Variants in DIP2B observed in about 807,000 individuals in gnomAD.
DIP2B encodes DIP2 acetate--CoA ligase B (putative).
In DIP2B, 76 loss-of-function variants were observed where a neutral mutation model predicts 198.0. The observed-to-expected ratio is 0.38, with a 90% CI of 0.32 to 0.46. The LOEUF is 0.46. Ranked by LOEUF, DIP2B falls within the 20% of genes least tolerant of loss-of-function variation. The pLI, the probability that DIP2B is intolerant of heterozygous loss-of-function variation, is 0.99. For missense variants in DIP2B, 1,559 were observed against 1,978.4 expected, an observed-to-expected ratio of 0.79 and a Z score of 4.02; for synonymous variants, 701 against 739.1, an observed-to-expected ratio of 0.95 and a Z score of 0.84.
At chr12:50,568,751 T>C (rs1259199459) in intron 1 of DIP2B, among the ~76,000 whole-genome samples, 3 of 152,184 alleles carry the variant, frequency 2.0e-5, no homozygotes, top group African/African-American at 7.2e-5. Context: ...GGAGAGAGGC[T>C]GAGGGGAGCT....
At chr12:50,590,961 C>A (rs1261029461) in intron 1 of DIP2B, among the ~76,000 whole-genome samples, 1 of 152,112 alleles carries the variant, frequency 6.6e-6, no homozygotes, top group Admixed American at 6.6e-5. Context: ...GGTGAATGGA[C>A]CATGAGGGCT....
At chr12:50,679,198 A>G in intron 8 of DIP2B, 1 of 250,354 alleles carries the variant, frequency 4.0e-6, no homozygotes, top group South Asian at 6.2e-5. Flanking sequence ...GTTTTATCTA[A>G]CAGTTGAAAC....
intron 1 of DIP2B, among the ~76,000 whole-genome samples, chr12:50,599,203 G>T (rs1958914445): frequency 6.7e-6 from 1 of 149,660 alleles, no homozygotes; most frequent in African/African-American, 2.5e-5. Flanking sequence ...GAGGTGGGAG[G>T]ATTGCCTAAG....
chr12:50,583,446 C>A (rs1199025386), intron 1 of DIP2B, among the ~76,000 whole-genome samples: 1 of 152,162 alleles, frequency 6.6e-6, no homozygotes, highest in Non-Finnish European at 1.5e-5. Flanking sequence ...AAGGCGCTTA[C>A]TGCTTCTGTG....
intron 4 of DIP2B, among the ~76,000 whole-genome samples, chr12:50,668,025 G>C (rs1289205652): frequency 6.6e-6 from 1 of 152,134 alleles, no homozygotes; most frequent in Non-Finnish European, 1.5e-5. Context: ...TATCAGTCTT[G>C]CATCTGTGCT....
chr12:50,685,971 AC>A lies in DIP2B; in HGVS notation c.1441+17del. On this transcript the variant is annotated intron_variant, in intron 11 of 37. Coordinates refer to ENST00000301180, the MANE Select transcript of DIP2B (RefSeq NM_173602.3). Reference sequence around the variant, plus strand: ...ACAGTTTAAAGGTTAGTAACATTGTACCTGAATTATCAGTTAAAAGTTAAAA... The same window carrying A: ...ACAGTTTAAAGGTTAGTAACATTGTACTGAATTATCAGTTAAAAGTTAAAA... The A allele has an allele frequency of 6.2e-7, 1 of 1,607,038 alleles. No individual in the cohort carries two copies. Among genetic ancestry groups the A allele is most frequent in the African/African-American group, 1.3e-5 (1 of 74,768 alleles).
At chr12:50,691,790 G>A (rs570876642) in intron 13 of DIP2B, among the ~76,000 whole-genome samples, 109 of 152,166 alleles carry the variant, frequency 7.2e-4, no homozygotes, top group African/African-American at 2.6e-3. Context: ...CAGACCAGGC[G>A]CTGTGGCTCA....
Position 50,714,422 on chromosome 12 carries a change from G to A in DIP2B, c.2677G>A (p.Val893Ile), listed in dbSNP as rs774693777. The A allele has an allele frequency of 1.2e-6, 2 of 1,614,054 alleles. No homozygotes were observed. The highest frequency in any genetic ancestry group is 1.7e-6 in the Non-Finnish European group (2 of 1,180,040). Residue 893 changes from valine to isoleucine, a missense_variant, in exon 23 of 38, where the codon GTT (valine) becomes ATT (isoleucine). Coordinates refer to ENST00000301180, the MANE Select transcript of DIP2B (RefSeq NM_173602.3). ...QAIDSIHQVGVYCLALVPANT... is the reference protein window; with the variant it reads ...QAIDSIHQVGIYCLALVPANT... The stretch of plus-strand genomic sequence containing the variant: ...GATCGATAGCATTCATCAAGTGGGG[G>A]TTTATTGTCTTGCTCTGGTGCCAGC...
chr12:50,519,068 G>A (rs1396800011), intron 1 of DIP2B, among the ~76,000 whole-genome samples: 1 of 151,916 alleles, frequency 6.6e-6, no homozygotes, highest in Non-Finnish European at 1.5e-5. Context: ...TATTTTTTTG[G>A]GGGGTAGGGC....
At chr12:50,721,525 C>T in intron 26 of DIP2B, 129 bp downstream of exon 26, 3 of 1,403,614 alleles carry the variant, frequency 2.1e-6, no homozygotes, top group South Asian at 2.8e-5. Context: ...CTTAGAAGAC[C>T]ATGCACACAG....
In DIP2B at chr12:50,740,360, C is replaced by T. The variant is rs535004333; in HGVS notation, c.4354+774C>T. Among the ~76,000 whole-genome samples, 8 of 152,346 alleles carry T rather than the reference C, an allele frequency of 5.3e-5. 1 individual carries two copies. In the South Asian group the frequency reaches 1.7e-3, roughly 32 times the overall value. ...CTGGTGCCCTGGTTTTGCAGCCCAC[C>T]TCTGCCACTTGCTGGGTGACCTTGA... On this transcript the variant is annotated intron_variant, in intron 36 of 37. Coordinates refer to ENST00000301180, the MANE Select transcript of DIP2B (RefSeq NM_173602.3).
chr12:50,615,365 C>T (rs1937679898), intron 1 of DIP2B, among the ~76,000 whole-genome samples: 1 of 151,998 alleles, frequency 6.6e-6, no homozygotes, highest in Admixed American at 6.6e-5. Context: ...TACATATATG[C>T]ATTTTAACTG....
chr12:50,697,149 T>G lies in DIP2B; in HGVS notation c.2022T>G (p.Ala674=), dbSNP rs1939326533. Residue 674 remains alanine, a synonymous_variant, in exon 17 of 38, where the codon GCT becomes GCG. Transcript: ENST00000301180. ...PEAICPCATS[A]EAMTVAIRRP... is the part of the protein sequence containing the mutation. Reference sequence around the variant, plus strand: ...CCATCTGTCCGTGCGCCACGTCTGCTGAAGCCATGACTGTAGCAATCCGCA... The same window carrying G: ...CCATCTGTCCGTGCGCCACGTCTGCGGAAGCCATGACTGTAGCAATCCGCA... 2.5e-6 allele frequency: 4 copies of G among 1,614,094 alleles called. No individual in the cohort carries two copies. Among genetic ancestry groups the G allele is most frequent in the Non-Finnish European group, 3.4e-6 (4 of 1,179,972 alleles).
chr12:50,730,559 T>A (rs184169712), intron 30 of DIP2B, among the ~76,000 whole-genome samples: 23 of 151,934 alleles, frequency 1.5e-4, no homozygotes, highest in Admixed American at 6.6e-4. Context: ...GTTAAAAAAA[T>A]TTTTTTTGTA....
At chr12:50,625,663 A>G (rs983303162) in intron 1 of DIP2B, among the ~76,000 whole-genome samples, 5 of 152,154 alleles carry the variant, frequency 3.3e-5, no homozygotes, top group African/African-American at 9.7e-5. Flanking sequence ...GCTGCATTCC[A>G]TTTTGGGATA....
intron 1 of DIP2B, among the ~76,000 whole-genome samples, chr12:50,569,807 T>C (rs999414772): frequency 1.3e-5 from 2 of 152,198 alleles, no homozygotes; most frequent in Non-Finnish European, 2.9e-5. Context: ...GCTTTTGCAA[T>C]TATTTTTATA....
At position 50,691,602 on chromosome 12, in the gene DIP2B, T is replaced by C. The variant is rs114550881; in HGVS notation, c.1654+451T>C. ...CCACTATTTGCCTCAGAATGTTCTT[T>C]GCAATATTAATTTTTTTAGTGTTTT... On this transcript the variant is annotated intron_variant, in intron 13 of 37. Coordinates refer to ENST00000301180, the MANE Select transcript of DIP2B (RefSeq NM_173602.3). Among the ~76,000 whole-genome samples, 1,080 of 152,344 alleles carry C rather than the reference T, an allele frequency of 7.1e-3. 16 individuals carry two copies. The highest frequency in any genetic ancestry group is 0.025 in the African/African-American group (1,041 of 41,584).
chr12:50,608,023 CCT>C (rs1196528812), intron 1 of DIP2B, among the ~76,000 whole-genome samples: 1 of 152,120 alleles, frequency 6.6e-6, no homozygotes, highest in Admixed American at 6.6e-5. Context: ...AAACTCCTGA[CCT>C]CTGGTGATTC....
At chr12:50,623,415 ACACACACACACACACACACACACTCT>A (rs1421109855) in intron 1 of DIP2B, among the ~76,000 whole-genome samples, 12 of 90,360 alleles carry the variant, frequency 1.3e-4, no homozygotes, top group African/African-American at 6.1e-4. Flanking sequence ...ACACACACAC[ACACACACACACACACACACACACTCT>A]CTCTCTCTCT....
Sources: allele counts gnomAD v4.1 joint callset (sites outside exome capture counted in the v4.1 genomes callset), GRCh38; gene constraint gnomAD v4.1.1; transcripts MANE v1.5; gene names NCBI Gene and HGNC (gene_info 2026-07-23, HGNC 2026-07-21).